The following TBC1D8B variants were observed in gnomAD, a reference collection of about 807,000 sequenced individuals.
TBC1D8B encodes the protein TBC1 domain family member 8B.
TBC1D8B carries 75 observed loss-of-function variants against 82.9 expected under a neutral mutation model. The observed-to-expected ratio is 0.90, with a 90% CI of 0.75 to 1.10. TBC1D8B has a LOEUF of 1.10. TBC1D8B is among the 50% of genes least tolerant of loss of function. The probability of loss-of-function intolerance (pLI) is 0.00; values close to 1 mark genes in which losing one functional copy is unlikely to be tolerated. For synonymous variants in TBC1D8B, 276 were observed against 276.8 expected (o/e 1.00, Z 0.03); for missense variants, 794 against 796.9 (o/e 1.00, Z 0.04).
chrX:106,823,425 T>C lies in TBC1D8B; in HGVS notation c.786T>C (p.Asp262=), dbSNP rs755421872. Reference sequence around the variant, plus strand: ...GACTTTTTGATAAGGAAACATTTGATAATGACCCAGTCCTTTATAATCCTC... The same window carrying C: ...GACTTTTTGATAAGGAAACATTTGACAATGACCCAGTCCTTTATAATCCTC... ...IRRLFDKETF[D]NDPVLYNPLQ... The change falls in exon 5 of 21, where the codon GAT becomes GAC. Residue 262 remains aspartate, a synonymous_variant. Transcript: ENST00000357242. 37 of 1,208,691 alleles carry C rather than the reference T, an allele frequency of 3.1e-5. No homozygotes were observed. The highest frequency in any genetic ancestry group is 3.9e-5 in the Non-Finnish European group (35 of 894,222).
Position 106,850,130 on chromosome X carries a change from CTT to C in TBC1D8B, c.1944_1945del (p.Trp649ValfsTer7), listed in dbSNP as rs1256885395. On this transcript the variant is annotated frameshift_variant, in exon 12 of 21. Transcript: ENST00000357242. LOFTEE classifies it high-confidence loss of function. ...ACATTCTTTTCCTCAGTTTCTCTCT[CTT>C]GGTTTCTCACACTTTTTATTAGTGT... 8.3e-7 allele frequency: 1 copy of C among 1,211,447 alleles called. No individual in the cohort carries two copies. The highest frequency in any genetic ancestry group is 2.2e-5 in the Admixed American group (1 of 46,008).
Position 106,854,788 on chromosome X carries a change from T to C in TBC1D8B, c.2352+492T>C, listed in dbSNP as rs142436468. On this transcript the variant is annotated intron_variant, in intron 14 of 20. Coordinates refer to ENST00000357242, the MANE Select transcript of TBC1D8B (RefSeq NM_017752.3). The stretch of plus-strand genomic sequence containing the variant: ...GCCTAGGCCTCCCAAAGGGTTAGGA[T>C]TACAGGCGTGAGCTACCACACCTAG... Among the ~76,000 whole-genome samples, 731 of 111,427 alleles carry C rather than the reference T, an allele frequency of 6.6e-3. 8 individuals carry two copies. The highest frequency in any genetic ancestry group is 0.023 in the African/African-American group (697 of 30,657).
intron 12 of TBC1D8B, among the ~76,000 whole-genome samples, chrX:106,853,214 G>T (rs1932628855): frequency 9.0e-6 from 1 of 111,010 alleles, no homozygotes; most frequent in African/African-American, 3.3e-5. Context: ...CTCATGATTT[G>T]GCTCTCTGTT....
intron 14 of TBC1D8B, among the ~76,000 whole-genome samples, chrX:106,857,433 A>G (rs897855087): frequency 8.9e-6 from 1 of 111,927 alleles, no homozygotes; most frequent in Non-Finnish European, 1.9e-5. Context: ...GTTTGCAGGC[A>G]TGGCCACCAC....
intron 5 of TBC1D8B, among the ~76,000 whole-genome samples, chrX:106,825,538 A>T (rs1269314802): frequency 2.7e-5 from 3 of 111,470 alleles, no homozygotes; most frequent in East Asian, 2.8e-4. Flanking sequence ...TTCATTTAAA[A>T]TTTTACTTCA....
intron 10 of TBC1D8B, among the ~76,000 whole-genome samples, chrX:106,843,690 T>A (rs1932369030): frequency 9.0e-6 from 1 of 111,062 alleles, no homozygotes; most frequent in African/African-American, 3.3e-5. Context: ...TTCCTTGTAT[T>A]TCCATACAAA....
Position 106,853,603 on chromosome X carries a change from A to C in TBC1D8B, c.2206A>C (p.Ser736Arg). The C allele has an allele frequency of 8.3e-7, 1 of 1,209,595 alleles. No individual in the cohort carries two copies. Among genetic ancestry groups the C allele is most frequent in the Non-Finnish European group, 1.1e-6 (1 of 893,573 alleles). The change falls in exon 13 of 21, where the codon AGT becomes CGT. Residue 736 changes from serine (S) to arginine (R), a missense_variant. Ser to Arg is a moderately radical substitution (Grantham distance 110). Transcript: ENST00000357242. ...TTCAAATGTGAGTGATGAAAAAACC[A>C]GTCATACTAGAGTGGATATTACAGA... ...QGSNVSDEKT[S>R]HTRVDITDLI...
At chrX:106,846,095 C>CTTT (rs763406306) in intron 10 of TBC1D8B, among the ~76,000 whole-genome samples, 21 of 72,201 alleles carry the variant, frequency 2.9e-4, no homozygotes, top group African/African-American at 3.5e-4. Context: ...CTCTCTCTCT[C>CTTT]TTTTTTTTTT....
intron 7 of TBC1D8B, among the ~76,000 whole-genome samples, chrX:106,835,354 A>G (rs1325247539): frequency 8.9e-6 from 1 of 112,273 alleles, no homozygotes; most frequent in African/African-American, 3.2e-5. Flanking sequence ...GATGCAGGGG[A>G]CCATGTCCTG....
chrX:106,825,544 C>T (rs897401056), intron 5 of TBC1D8B, among the ~76,000 whole-genome samples: 7 of 111,110 alleles, frequency 6.3e-5, no homozygotes, highest in Non-Finnish European at 1.3e-4. Flanking sequence ...TAAAATTTTA[C>T]TTCACTTAAT....
rs1931817049 is a variant in TBC1D8B at position 106,825,601 on chromosome X, T to A, written c.828-429T>A. Among the ~76,000 whole-genome samples the A allele has an allele frequency of 3.6e-5, 4 of 111,742 alleles. No homozygotes were observed. The South Asian group carries it at 1.5e-3, about 41-fold the overall frequency. On this transcript the variant is annotated intron_variant, in intron 5 of 20. Transcript: ENST00000357242. ...ACTACTCTTTCCCTCTAAATTTTTA[T>A]GCCACAAATTTTCATTATTTTATTT... is the stretch of plus-strand genomic sequence containing the variant.
intron 1 of TBC1D8B, among the ~76,000 whole-genome samples, chrX:106,805,620 T>C (rs1393410334): frequency 8.9e-6 from 1 of 112,325 alleles, no homozygotes; most frequent in Admixed American, 9.4e-5. Flanking sequence ...TGCTTGAAAT[T>C]ACCACATGAG....
intron 7 of TBC1D8B, 66 bp from the exon 8 acceptor site, chrX:106,839,239 CATT>C: frequency 9.6e-7 from 1 of 1,040,221 alleles, no homozygotes. Flanking sequence ...TAACAGTAAA[CATT>C]AGAACTTTTT....
At position 106,850,208 on chromosome X, in the gene TBC1D8B, G is replaced by A; in HGVS notation, c.2021G>A (p.Gly674Glu). 8.3e-7 allele frequency: 1 copy of A among 1,211,364 alleles called. No individual in the cohort carries two copies. The change falls in exon 12 of 21, where the codon GGA (glycine) becomes GAA (glutamate). Residue 674 changes from glycine to glutamate, a missense_variant. Coordinates refer to ENST00000357242, the MANE Select transcript of TBC1D8B (RefSeq NM_017752.3). ...GTGGTGGACTGTTTCTTCTATGATGGAATAAAGGCCATTTTGCAACTGGGA... is the reference window on the plus strand; with the variant it reads ...GTGGTGGACTGTTTCTTCTATGATGAAATAAAGGCCATTTTGCAACTGGGA... ...VNVVDCFFYD[G>E]IKAILQLGLA...
chrX:106,855,030 G>T (rs181291665), intron 14 of TBC1D8B, among the ~76,000 whole-genome samples: 1 of 112,340 alleles, frequency 8.9e-6, no homozygotes, highest in Non-Finnish European at 1.9e-5. Context: ...TGCCTTTGGT[G>T]AATCGGATTA....
At chrX:106,861,777 TATC>T (rs977185083) in intron 14 of TBC1D8B, among the ~76,000 whole-genome samples, 1 of 111,540 alleles carries the variant, frequency 9.0e-6, no homozygotes, top group Non-Finnish European at 1.9e-5. Context: ...TTGATCCTGA[TATC>T]ATGTTGTTAG....
intron 1 of TBC1D8B, among the ~76,000 whole-genome samples, chrX:106,817,497 T>C (rs1391335003): frequency 9.0e-6 from 1 of 111,609 alleles, no homozygotes; most frequent in Non-Finnish European, 1.9e-5. Flanking sequence ...TCAAAACTCA[T>C]GCATAAAATT....
At chrX:106,832,827 A>T (rs186417881) in intron 7 of TBC1D8B, among the ~76,000 whole-genome samples, 32 of 111,559 alleles carry the variant, frequency 2.9e-4, no homozygotes, top group Middle Eastern at 4.6e-3. Context: ...GATAATGTAG[A>T]TCAAAATTGT....
At chrX:106,818,033 T>C (rs1371505229) in intron 1 of TBC1D8B, among the ~76,000 whole-genome samples, 1 of 111,091 alleles carries the variant, frequency 9.0e-6, no homozygotes, top group Non-Finnish European at 1.9e-5. Context: ...AATTGAGGAA[T>C]TAAGAATTGT....
Sources: allele counts gnomAD v4.1 joint callset (sites outside exome capture counted in the v4.1 genomes callset), GRCh38; gene constraint gnomAD v4.1.1; transcripts MANE v1.5; gene names NCBI Gene and HGNC (gene_info 2026-07-23, HGNC 2026-07-21).